The following LANCL2 variants were observed in gnomAD, a reference collection of about 807,000 sequenced individuals.
The protein encoded by LANCL2 is lanC-like protein 2.
In LANCL2, 33 loss-of-function variants were observed where a neutral mutation model predicts 56.9. The observed-to-expected ratio is 0.58, with a 90% confidence interval of 0.44 to 0.78. LANCL2 has a LOEUF of 0.78. LANCL2 is among the 30% of genes least tolerant of loss of function. The pLI is 0.00. For missense variants in LANCL2, 562 were observed against 580.2 expected, an observed-to-expected ratio of 0.97 and a Z score of 0.32; for synonymous variants, 233 against 228.2, an observed-to-expected ratio of 1.02 and a Z score of -0.19.
Position 55,365,789 on chromosome 7 carries a change from A to T in LANCL2, c.-237A>T. The T allele has an allele frequency of 5.2e-6, 2 of 385,454 alleles. No homozygotes were observed. Among genetic ancestry groups the T allele is most frequent in the East Asian group, 3.8e-5 (1 of 26,384 alleles). The allele number at this position is 385,454 out of a possible 1,614,324, so 23.9% of individuals were successfully genotyped here. A position where few individuals can be genotyped will look rare whatever the true frequency, so the allele number is the denominator to read the frequency against. On this transcript the variant is annotated 5_prime_UTR_variant, in exon 1 of 9. Coordinates refer to ENST00000254770, the MANE Select transcript of LANCL2 (RefSeq NM_018697.4). ...GCTCCTCTCCGTCGGGAGCAGGGCAAAGGCGCCAGGAACAGGGCAGAGGCA... is the reference window on the plus strand; with the variant it reads ...GCTCCTCTCCGTCGGGAGCAGGGCATAGGCGCCAGGAACAGGGCAGAGGCA...
At chr7:55,367,166 A>G (rs1202467190) in intron 1 of LANCL2, among the ~76,000 whole-genome samples, 4 of 152,230 alleles carry the variant, frequency 2.6e-5, no homozygotes, top group African/African-American at 4.8e-5. Context: ...TCTGAACAGA[A>G]TCTAACGTGG....
rs999417982 is a variant in LANCL2, at chr7:55,372,888, T to C, written c.204+6659T>C. Reference sequence around the variant, plus strand: ...CTCAGATTGCCAATAGTTTCCAGATTTCTGAATTCCATACACATACATTCT... The same window carrying C: ...CTCAGATTGCCAATAGTTTCCAGATCTCTGAATTCCATACACATACATTCT... On this transcript the variant is annotated intron_variant, in intron 1 of 8. Transcript: ENST00000254770. Among the ~76,000 whole-genome samples the C allele has an allele frequency of 3.3e-5, 5 of 152,352 alleles. No individual in the cohort carries two copies. In the East Asian group the frequency reaches 9.6e-4, roughly 29 times the overall value.
chr7:55,412,763 G>T (rs1266205228), intron 6 of LANCL2, among the ~76,000 whole-genome samples: 1 of 152,166 alleles, frequency 6.6e-6, no homozygotes. Flanking sequence ...TGTAATAATT[G>T]ATGTTGGAGA....
Position 55,411,918 on chromosome 7 carries a change from A to T in LANCL2, c.837A>T (p.Lys279Asn). ...TTGTTTGTTTAAAGCCGGCAGCAAA[A>T]GTGGACCAAGAAACCTTGACAGAAA... The part of the protein sequence containing the change: ...IYYMLMQPAA[K>N]VDQETLTEMV... Residue 279 changes from lysine to asparagine, a missense_variant, in exon 6 of 9, where the codon AAA becomes AAT. Lys to Asn is a moderately conservative substitution (Grantham distance 94). This residue lies in a region of LANCL2 where 378 missense variants were observed against 468.4 expected (regional missense o/e 0.81). Transcript: ENST00000254770. 6.2e-7 allele frequency: 1 copy of T among 1,611,016 alleles called. No homozygotes were observed. Among genetic ancestry groups the T allele is most frequent in the Non-Finnish European group, 8.5e-7 (1 of 1,178,082 alleles).
chr7:55,423,331 C>A (rs181669772), intron 6 of LANCL2, among the ~76,000 whole-genome samples: 1 of 152,172 alleles, frequency 6.6e-6, no homozygotes, highest in Non-Finnish European at 1.5e-5. Flanking sequence ...GGCGCAGGGA[C>A]GGCATGAAGG....
At chr7:55,371,463 A>G (rs1562855385) in intron 1 of LANCL2, among the ~76,000 whole-genome samples, 1 of 152,062 alleles carries the variant, frequency 6.6e-6, no homozygotes, top group East Asian at 1.9e-4. Flanking sequence ...GGCTCAAGGA[A>G]TTTTTCCCAG....
intron 1 of LANCL2, among the ~76,000 whole-genome samples, chr7:55,371,137 C>T (rs1238199651): frequency 6.6e-6 from 1 of 152,196 alleles, no homozygotes; most frequent in African/African-American, 2.4e-5. Flanking sequence ...GTTTGTCCTG[C>T]ATATCTTCCA....
chr7:55,399,682 T>G (rs1790298513), intron 3 of LANCL2, among the ~76,000 whole-genome samples: 1 of 152,202 alleles, frequency 6.6e-6, no homozygotes, highest in South Asian at 2.1e-4. Flanking sequence ...TCACTTTCTT[T>G]TACTTCTGGA....
rs756733919 is a variant in LANCL2, at chr7:55,365,725, G to A, written c.-301G>A. ...GGCCACGGGGAAGGTGCGAGGAGGCGCGAGCAGGCTGTGAGCCGCTGGGCG... is the reference window on the plus strand; with the variant it reads ...GGCCACGGGGAAGGTGCGAGGAGGCACGAGCAGGCTGTGAGCCGCTGGGCG... On this transcript the variant is annotated 5_prime_UTR_variant, in exon 1 of 9. Coordinates refer to ENST00000254770, the MANE Select transcript of LANCL2 (RefSeq NM_018697.4). 3 of 277,412 alleles carry A rather than the reference G, an allele frequency of 1.1e-5. No homozygotes were observed. Among genetic ancestry groups the A allele is most frequent in the Non-Finnish European group, 2.0e-5 (3 of 148,246 alleles). The allele number at this position is 277,412 out of a possible 1,614,324, so 17.2% of individuals were successfully genotyped here.
At chr7:55,390,850 C>T (rs1470852703) in intron 1 of LANCL2, among the ~76,000 whole-genome samples, 1 of 151,522 alleles carries the variant, frequency 6.6e-6, no homozygotes, top group African/African-American at 2.4e-5. Context: ...AAGAATATTG[C>T]GTATTTCTCT....
chr7:55,420,192 T>C (rs1208110416), intron 6 of LANCL2, among the ~76,000 whole-genome samples: 1 of 152,238 alleles, frequency 6.6e-6, no homozygotes, highest in East Asian at 1.9e-4. Flanking sequence ...AATACAGGCA[T>C]TTAAAGCTTT....
chr7:55,420,717 A>G (rs1483043211), intron 6 of LANCL2, among the ~76,000 whole-genome samples: 1 of 152,358 alleles, frequency 6.6e-6, no homozygotes, highest in South Asian at 2.1e-4. Flanking sequence ...GTGTGAATGA[A>G]CCATCATGAC....
At chr7:55,373,449 C>T (rs1443773374) in intron 1 of LANCL2, among the ~76,000 whole-genome samples, 5 of 151,992 alleles carry the variant, frequency 3.3e-5, no homozygotes, top group African/African-American at 1.2e-4. Flanking sequence ...CTCCACCACA[C>T]CCAGCTAATT....
intron 1 of LANCL2, among the ~76,000 whole-genome samples, chr7:55,390,711 G>T (rs1790177777): frequency 6.6e-6 from 1 of 151,908 alleles, no homozygotes; most frequent in Non-Finnish European, 1.5e-5. Context: ...AACCCAGGAG[G>T]TGGAGGTTGC....
At chr7:55,418,828 G>T (rs1197397055) in intron 6 of LANCL2, among the ~76,000 whole-genome samples, 1 of 152,044 alleles carries the variant, frequency 6.6e-6, no homozygotes, top group Non-Finnish European at 1.5e-5. Context: ...TTATCATGAA[G>T]GGATGTTGAA....
chr7:55,376,458 C>T (rs989507401), intron 1 of LANCL2, among the ~76,000 whole-genome samples: 3 of 152,110 alleles, frequency 2.0e-5, no homozygotes, highest in African/African-American at 7.2e-5. Flanking sequence ...ACACATTGCC[C>T]CACTGACGGT....
At chr7:55,420,499 C>T (rs815968) in intron 6 of LANCL2, among the ~76,000 whole-genome samples, 3,743 of 152,284 alleles carry the variant, frequency 0.025, 152 homozygotes, top group African/African-American at 0.083. Flanking sequence ...GAATGTCCCA[C>T]GTGCGTTTGA....
chr7:55,407,751 C>T (rs1417243307), intron 5 of LANCL2, among the ~76,000 whole-genome samples: 1 of 152,240 alleles, frequency 6.6e-6, no homozygotes, highest in Non-Finnish European at 1.5e-5. Context: ...TGCTGGCCAC[C>T]CCAGGCAGTT....
intron 6 of LANCL2, among the ~76,000 whole-genome samples, chr7:55,420,170 T>C (rs185913745): frequency 6.6e-6 from 1 of 152,366 alleles, no homozygotes; most frequent in East Asian, 1.9e-4. Context: ...TTTTGTACCT[T>C]TCTTTTTTTC....
Sources: gnomAD v4.1 joint callset for allele counts (sites outside exome capture counted in the v4.1 genomes callset) on GRCh38, gnomAD v4.1.1 for gene constraint, gnomAD v4.1.1 regional missense constraint, MANE v1.5 for transcripts, NCBI Gene and HGNC (gene_info 2026-07-23, HGNC 2026-07-21) for gene names.